C11orf24: variants seen among roughly 807,000 people sequenced by gnomAD.
C11orf24 encodes chromosome 11 open reading frame 24.
In C11orf24, 5 loss-of-function variants were observed where a neutral mutation model predicts 7.3. The observed-to-expected ratio is 0.69, with a 90% CI of 0.36 to 1.45. The LOEUF is 1.45. Among genes scored for constraint, C11orf24 ranks in the 40% most tolerant of loss-of-function variants. C11orf24 has a pLI of 0.03. For synonymous variants in C11orf24, 233 were observed against 235.7 expected, an observed-to-expected ratio of 0.99 and a Z score of 0.11; for missense variants, 566 against 590.5, an observed-to-expected ratio of 0.96 and a Z score of 0.43.
In C11orf24 at chr11:68,262,635, C is replaced by T. The variant is rs373234316; in HGVS notation, c.360G>A (p.Thr120=). The T allele has an allele frequency of 5.6e-6, 9 of 1,612,658 alleles. No individual in the cohort carries two copies. The highest frequency in any genetic ancestry group is 2.7e-5 in the African/African-American group (2 of 74,906). ...VASSTTAASI[T]TAASSMTVAS... Reference sequence around the variant, plus strand: ...CCACAGTCATACTGGAGGCCGCAGTCGTAATGGAGGCCGCAGTCGTACTGG... The same window carrying T: ...CCACAGTCATACTGGAGGCCGCAGTTGTAATGGAGGCCGCAGTCGTACTGG... Residue 120 remains threonine, a synonymous_variant, in exon 4 of 4, where the codon ACG becomes ACA. Transcript: ENST00000304271.
rs1287133688 is a variant in C11orf24, at chr11:68,262,233, T to C, written c.762A>G (p.Gln254=). Reference sequence around the variant, plus strand: ...CCACTGACACCTGGCTAATGGGACCTTGTGCTTGGGGACGCATAGGGGGTA... The same window carrying C: ...CCACTGACACCTGGCTAATGGGACCCTGTGCTTGGGGACGCATAGGGGGTA... The part of the protein sequence containing the change: ...SPVPPMRPQA[Q]GPISQVSVDQ... Residue 254 remains glutamine, a synonymous_variant, in exon 4 of 4, where the codon CAA becomes CAG. Transcript: ENST00000304271. 6.2e-7 allele frequency: 1 copy of C among 1,612,966 alleles called. No individual in the cohort carries two copies. Among genetic ancestry groups the C allele is most frequent in the East Asian group, 2.2e-5 (1 of 44,858 alleles).
rs376001469 is a variant in C11orf24, at chr11:68,262,561, A to G, written c.434T>C (p.Ile145Thr). 60 of 1,609,338 alleles carry G rather than the reference A, an allele frequency of 3.7e-5. No homozygotes were observed. Among genetic ancestry groups the G allele is most frequent in the Non-Finnish European group, 4.9e-5 (58 of 1,176,748 alleles). The stretch of plus-strand genomic sequence containing the variant: ...ACTGGAGGCTGCAGTCGTGGGAGCA[A>G]TGGAGGCCACAGTTGTACTGGAGGC... ...TAASSTTVASIAPTTAASSMT... is the reference protein window; with the variant it reads ...TAASSTTVASTAPTTAASSMT... The change falls in exon 4 of 4, where the codon ATT (isoleucine) becomes ACT (threonine). Residue 145 changes from isoleucine to threonine, a missense_variant. By Grantham distance (89) the Ile-to-Thr change is moderately conservative. Transcript: ENST00000304271.
chr11:68,261,781 A>G lies in C11orf24; in HGVS notation c.1214T>C (p.Val405Ala). 1 of 1,614,216 alleles carries G rather than the reference A, an allele frequency of 6.2e-7. No individual in the cohort carries two copies. Among genetic ancestry groups the G allele is most frequent in the Non-Finnish European group, 8.5e-7 (1 of 1,180,052 alleles). ...AVVDKTLLLV[V>A]LLLGVTLFIT... Reference sequence around the variant, plus strand: ...GAAAAGGGTCACCCCGAGTAACAGCACCACCAGAAGGAGAGTTTTGTCTAC... The same window carrying G: ...GAAAAGGGTCACCCCGAGTAACAGCGCCACCAGAAGGAGAGTTTTGTCTAC... Residue 405 changes from valine (V) to alanine (A), a missense_variant, in exon 4 of 4, where the codon GTG becomes GCG. By Grantham distance (64) the Val-to-Ala change is moderately conservative. Transcript: ENST00000304271.
chr11:68,262,430 TGA>T lies in C11orf24; in HGVS notation c.563_564del (p.Leu188GlnfsTer52). The T allele has an allele frequency of 6.2e-7, 1 of 1,614,156 alleles. No homozygotes were observed. The highest frequency in any genetic ancestry group is 8.5e-7 in the Non-Finnish European group (1 of 1,180,020). On this transcript the variant is annotated frameshift_variant, in exon 4 of 4. Coordinates refer to ENST00000304271, the MANE Select transcript of C11orf24 (RefSeq NM_022338.4). LOFTEE classifies it low-confidence loss of function (END_TRUNC). ...PSTTATGHPS[L>X]STALAQVPKS... ...TTTGGCACTTGTGCGAGGGCTGTGC[TGA>T]GAGATGGATGCCCAGTGGCGGTAGT...
chr11:68,270,586 TAAA>T (rs10631184), intron 1 of C11orf24, among the ~76,000 whole-genome samples: 1 of 142,944 alleles, frequency 7.0e-6, no homozygotes, highest in Non-Finnish European at 1.5e-5. Flanking sequence ...CCCCATCTCT[TAAA>T]AAAAAAAAAA....
intron 1 of C11orf24, among the ~76,000 whole-genome samples, chr11:68,271,345 C>G (rs1345047176): frequency 6.6e-6 from 1 of 152,120 alleles, no homozygotes; most frequent in Admixed American, 6.6e-5. Context: ...GGCAGGGAGA[C>G]AGATGGGCAG....
chr11:68,264,942 T>C (rs1043030237), intron 2 of C11orf24, among the ~76,000 whole-genome samples: 2 of 151,388 alleles, frequency 1.3e-5, no homozygotes, highest in Admixed American at 6.6e-5. Context: ...AAGAGTGAGG[T>C]AGGCTGATAC....
rs2098562028 is a variant in C11orf24, at chr11:68,262,065, G to A, written c.930C>T (p.His310=). ...EPTASPVPVP[H]TSPIPEMEAM... is the part of the protein sequence containing the mutation. ...CCTCCATCTCAGGGATTGGGCTGGT[G>A]TGAGGTACTGGCACTGGGCTGGCAG... Residue 310 remains histidine, a synonymous_variant, in exon 4 of 4, where the codon CAC becomes CAT. Transcript: ENST00000304271. 11 of 1,613,844 alleles carry A rather than the reference G, an allele frequency of 6.8e-6. No homozygotes were observed. The highest frequency in any genetic ancestry group is 9.3e-6 in the Non-Finnish European group (11 of 1,180,012).
chr11:68,264,305 T>A (rs2098563439), intron 2 of C11orf24, among the ~76,000 whole-genome samples: 1 of 152,006 alleles, frequency 6.6e-6, no homozygotes, highest in South Asian at 2.1e-4. Flanking sequence ...GCCTTTCACA[T>A]GGGAGATACT....
chr11:68,271,458 G>A (rs917062776), intron 1 of C11orf24, among the ~76,000 whole-genome samples: 10 of 152,174 alleles, frequency 6.6e-5, no homozygotes. Flanking sequence ...TTGGGGTCCA[G>A]TCCCGTCCTG....
chr11:68,264,769 G>T (rs931507254), intron 2 of C11orf24, among the ~76,000 whole-genome samples: 1 of 104,148 alleles, frequency 9.6e-6, no homozygotes, highest in Non-Finnish European at 2.0e-5. Context: ...CATGTGCCAG[G>T]CAGTACACTT....
At position 68,262,314 on chromosome 11, in the gene C11orf24, C is replaced by G. The variant is rs770531032; in HGVS notation, c.681G>C (p.Met227Ile). Residue 227 changes from methionine to isoleucine, a missense_variant, in exon 4 of 4, where the codon ATG (methionine) becomes ATC (isoleucine). Met to Ile is a conservative substitution (Grantham distance 10). Coordinates refer to ENST00000304271, the MANE Select transcript of C11orf24 (RefSeq NM_022338.4). ...GCTTGGAAGGACTTGGACGAGTGCT[C>G]ATGGGGCTGCTTGTGTTTGCTGTGG... ...VATTANTSSP[M>I]STRPSPSKHM... The G allele has an allele frequency of 5.6e-5, 90 of 1,613,744 alleles. No homozygotes were observed. In the Admixed American group the frequency reaches 1.5e-3, roughly 27 times the overall value.
chr11:68,263,202 CA>C (rs2098562849), intron 3 of C11orf24: 1 of 489,220 alleles, frequency 2.0e-6, no homozygotes, highest in Non-Finnish European at 3.7e-6. Context: ...ATCCAATTCC[CA>C]AAACATCAGA....
At chr11:68,267,218 G>A (rs73494683) in intron 2 of C11orf24, 5,649 of 152,308 alleles carry the variant, frequency 0.037, 312 homozygotes, top group African/African-American at 0.13. Context: ...TTCAGGGACC[G>A]TGCTCCAGCT....
chr11:68,269,175 G>C (rs2153104345), intron 1 of C11orf24, among the ~76,000 whole-genome samples: 1 of 151,534 alleles, frequency 6.6e-6, no homozygotes, highest in South Asian at 2.1e-4. Flanking sequence ...TCCAAGGAAA[G>C]AAAACAGCAT....
At chr11:68,263,274 G>T (rs1231532596) in intron 3 of C11orf24, 4 of 407,528 alleles carry the variant, frequency 9.8e-6, no homozygotes, top group Non-Finnish European at 1.8e-5. Context: ...GCACACCCAG[G>T]TTTACAAAGC....
chr11:68,271,617 G>T (rs1458239634), intron 1 of C11orf24: 1 of 152,714 alleles, frequency 6.5e-6, no homozygotes, highest in Non-Finnish European at 1.5e-5. Flanking sequence ...CCCCAGCCAT[G>T]CTCGGCCCCC....
Position 68,262,458 on chromosome 11 carries a change from G to A in C11orf24, c.537C>T (p.Ser179=). Residue 179 remains serine, a synonymous_variant, in exon 4 of 4, where the codon TCC becomes TCT. Coordinates refer to ENST00000304271, the MANE Select transcript of C11orf24 (RefSeq NM_022338.4). ...GAGATGGATGCCCAGTGGCGGTAGT[G>A]GACGGGGTCCGCCCTGTGGAAGTGG... ...PTSTSTGRTP[S]TTATGHPSLS... 1.2e-6 allele frequency: 2 copies of A among 1,614,150 alleles called. No homozygotes were observed. Among genetic ancestry groups the A allele is most frequent in the Non-Finnish European group, 8.5e-7 (1 of 1,180,026 alleles).
Position 68,261,673 on chromosome 11 carries a change from T to C in C11orf24, c.1322A>G (p.Asn441Ser). Residue 441 changes from asparagine (N) to serine (S), a missense_variant, in exon 4 of 4, where the codon AAC becomes AGC. Asn to Ser is a conservative substitution (Grantham distance 46, BLOSUM62 1). Coordinates refer to ENST00000304271, the MANE Select transcript of C11orf24 (RefSeq NM_022338.4). ...KDYTQVDYLINGMYADSEM is the reference protein window; with the variant it reads ...KDYTQVDYLISGMYADSEM ...CATTTCTGAGTCCGCATACATCCCG[T>C]TGATTAAGTAGTCCACCTGGGTGTA... 6.2e-7 allele frequency: 1 copy of C among 1,611,016 alleles called. No individual in the cohort carries two copies. The highest frequency in any genetic ancestry group is 8.5e-7 in the Non-Finnish European group (1 of 1,177,322).
Sources: allele counts gnomAD v4.1 joint callset (sites outside exome capture counted in the v4.1 genomes callset), GRCh38; gene constraint gnomAD v4.1.1; transcripts MANE v1.5; gene names NCBI Gene and HGNC (gene_info 2026-07-23, HGNC 2026-07-21).